The following TMPRSS4 variants were observed in gnomAD, a reference collection of about 807,000 sequenced individuals.
The protein encoded by TMPRSS4 is transmembrane protease serine 4.
A neutral mutation model predicts 56.4 loss-of-function variants in TMPRSS4; 45 were observed. That is an observed-to-expected ratio of 0.80 (90% confidence interval 0.63 to 1.02). The LOEUF is 1.02. TMPRSS4 is among the 50% of genes least tolerant of loss of function. TMPRSS4 has a pLI of 0.00. For synonymous variants in TMPRSS4, 205 were observed against 211.0 expected, an observed-to-expected ratio of 0.97 and a Z score of 0.25; for missense variants, 546 against 556.7, an observed-to-expected ratio of 0.98 and a Z score of 0.19.
intron 2 of TMPRSS4, among the ~76,000 whole-genome samples, chr11:118,098,062 A>G (rs567641998): frequency 1.3e-5 from 2 of 152,264 alleles, no homozygotes; most frequent in East Asian, 1.9e-4. Context: ...GAGCCACCGC[A>G]CTGGACCAGA....
At chr11:118,111,185 G>T (rs1391211747) in intron 7 of TMPRSS4, among the ~76,000 whole-genome samples, 1 of 152,186 alleles carries the variant, frequency 6.6e-6, no homozygotes, top group East Asian at 1.9e-4. Context: ...GGAGAGGGGG[G>T]ACCTGAGGGC....
intron 7 of TMPRSS4, among the ~76,000 whole-genome samples, chr11:118,109,380 A>G (rs1404849711): frequency 2.0e-5 from 3 of 152,234 alleles, no homozygotes; most frequent in African/African-American, 7.2e-5. Context: ...ATAATTGGCC[A>G]CTATCCTTGG....
intron 1 of TMPRSS4, 145 bp from the exon 2 acceptor site, chr11:118,094,671 T>C: frequency 1.5e-6 from 1 of 689,654 alleles, no homozygotes; most frequent in Non-Finnish European, 2.6e-6. Flanking sequence ...TGTTTCCTGT[T>C]GAACCAGGTA....
Position 118,118,763 on chromosome 11 carries a change from C to G in TMPRSS4, c.*850C>G. Reference sequence around the variant, plus strand: ...TGACTTGGGAAAGAGATGAGTTAGGCAGTCAAGGGTGACATTCAATCAGGG... The same window carrying G: ...TGACTTGGGAAAGAGATGAGTTAGGGAGTCAAGGGTGACATTCAATCAGGG... On this transcript the variant is annotated 3_prime_UTR_variant, in exon 13 of 13. Transcript: ENST00000437212. The G allele has an allele frequency of 2.0e-6, 2 of 985,416 alleles. No individual in the cohort carries two copies. The highest frequency in any genetic ancestry group is 2.4e-6 in the Non-Finnish European group (2 of 829,930). The allele number at this position is 985,416 out of a possible 1,614,324, so 61.0% of individuals were successfully genotyped here. A position where few individuals can be genotyped will look rare whatever the true frequency, so the allele number is the denominator to read the frequency against.
rs1019932481 is a variant in TMPRSS4 at position 118,111,826 on chromosome 11, G to A, written c.669G>A (p.Gln223=). 1.2e-5 allele frequency: 19 copies of A among 1,607,180 alleles called. No homozygotes were observed. The African/African-American group carries it at 1.9e-4, about 16-fold the overall frequency. Residue 223 remains glutamine (Q), a synonymous_variant, in exon 8 of 13, where the codon CAG becomes CAA. Coordinates refer to ENST00000437212, the MANE Select transcript of TMPRSS4 (RefSeq NM_019894.4). ...CTTGGCCTTGGCAGGTCAGCATCCA[G>A]TACGACAAACAGCACGTCTGTGGAG... ...VDSWPWQVSI[Q]YDKQHVCGGS...
At position 118,113,377 on chromosome 11, in the gene TMPRSS4, G is replaced by C; in HGVS notation, c.852G>C (p.Met284Ile). Residue 284 changes from methionine to isoleucine, a missense_variant, in exon 9 of 13, where the codon ATG becomes ATC. Met to Ile is a conservative substitution (Grantham distance 10). Transcript: ENST00000437212. ...TCATCATCATTGAATTCAACCCCAT[G>C]TACCCCAAAGACAATGACATCGCCC... ...AKIIIIEFNP[M>I]YPKDNDIALM... 6.2e-7 allele frequency: 1 copy of C among 1,614,100 alleles called. No homozygotes were observed. The highest frequency in any genetic ancestry group is 2.2e-5 in the East Asian group (1 of 44,868).
At chr11:118,123,689 A>G (rs1187777889), downstream of TMPRSS4, among the ~76,000 whole-genome samples, 2 of 152,074 alleles carry the variant, frequency 1.3e-5, no homozygotes, top group African/African-American at 4.8e-5. Context: ...CGCCTGGCTA[A>G]TTTTTTGTGT....
At chr11:118,084,403 A>G (rs1446179632) in intron 1 of TMPRSS4, among the ~76,000 whole-genome samples, 1 of 152,246 alleles carries the variant, frequency 6.6e-6, no homozygotes, top group East Asian at 1.9e-4. Flanking sequence ...ATGCAACTGC[A>G]AAGTCAGAGA....
At chr11:118,098,874 G>T (rs1159642188) in intron 2 of TMPRSS4, 111 bp from the exon 3 acceptor site, 2 of 782,022 alleles carry the variant, frequency 2.6e-6, no homozygotes, top group African/African-American at 1.7e-5. Flanking sequence ...CCAAAACTGT[G>T]CTCAAGGCAT....
intron 7 of TMPRSS4, 152 bp downstream of exon 7, chr11:118,109,048 T>G: frequency 3.9e-6 from 3 of 762,144 alleles, no homozygotes; most frequent in Non-Finnish European, 6.4e-6. Flanking sequence ...CCCCCTCGAG[T>G]TGTTGGTGGC....
At chr11:118,103,578 T>G (rs1292124646) in intron 4 of TMPRSS4, among the ~76,000 whole-genome samples, 1 of 152,132 alleles carries the variant, frequency 6.6e-6, no homozygotes, top group Admixed American at 6.5e-5. Context: ...GACGGGGTTT[T>G]GCCACATTGG....
At position 118,080,355 on chromosome 11, in the gene TMPRSS4, A is replaced by T. The variant is rs1205600202; in HGVS notation, c.3+3050A>T. On this transcript the variant is annotated intron_variant, in intron 1 of 12. Transcript: ENST00000437212. ...AGCAAGAAAGAGTGGTAGTATAGGG[A>T]CAACAGGCTCTCGCTGTGGCTGGAG... Among the ~76,000 whole-genome samples, 4 of 152,120 alleles carry T rather than the reference A, an allele frequency of 2.6e-5. No homozygotes were observed. In the East Asian group the frequency reaches 5.8e-4, roughly 22 times the overall value.
At chr11:118,112,981 G>T (rs1947355070) in intron 8 of TMPRSS4, among the ~76,000 whole-genome samples, 1 of 152,078 alleles carries the variant, frequency 6.6e-6, no homozygotes, top group East Asian at 1.9e-4. Flanking sequence ...GGAGGAGAGA[G>T]CGCCAGGACC....
chr11:118,110,964 TAGG>T (rs1947247240), intron 7 of TMPRSS4, among the ~76,000 whole-genome samples: 1 of 152,212 alleles, frequency 6.6e-6, no homozygotes, highest in African/African-American at 2.4e-5. Flanking sequence ...AGGAGGCTGC[TAGG>T]AGGAGTGGAA....
rs1227970104 is a variant in TMPRSS4 at position 118,120,501 on chromosome 11, T to A, written c.*2588T>A. 1 of 152,204 alleles carries A rather than the reference T, an allele frequency of 6.6e-6. No individual in the cohort carries two copies. The allele number at this position is 152,204 out of a possible 1,614,324, so 9.4% of individuals were successfully genotyped here. ...TGCTATTTTCTGTTAAAAATGGATA[T>A]CTTAATAATCAAGCAAAAATAACAG... On this transcript the variant is annotated 3_prime_UTR_variant, in exon 13 of 13. Transcript: ENST00000437212.
At chr11:118,094,601 C>T (rs1946183553) in intron 1 of TMPRSS4, among the ~76,000 whole-genome samples, 1 of 152,206 alleles carries the variant, frequency 6.6e-6, no homozygotes, top group Non-Finnish European at 1.5e-5. Flanking sequence ...CCAGTTGCTA[C>T]TAGTTAAGTA....
downstream of TMPRSS4, among the ~76,000 whole-genome samples, chr11:118,122,279 A>C (rs1398166885): frequency 6.6e-6 from 1 of 152,244 alleles, no homozygotes; most frequent in African/African-American, 2.4e-5. Flanking sequence ...GTTATTTGTA[A>C]CAGACATACA....
At chr11:118,078,532 C>G (rs1944872120) in intron 1 of TMPRSS4, among the ~76,000 whole-genome samples, 1 of 152,216 alleles carries the variant, frequency 6.6e-6, no homozygotes, top group African/African-American at 2.4e-5. Context: ...GAGCCAGGAT[C>G]AAAGCACAAG....
At chr11:118,116,750 G>A (rs1715463) in intron 11 of TMPRSS4, among the ~76,000 whole-genome samples, 103,639 of 141,990 alleles carry the variant, frequency 0.73, 37,660 homozygotes, top group South Asian at 0.85. Flanking sequence ...GTCTCACTCT[G>A]TTGCCCAGGC....
Sources: gnomAD v4.1 joint callset for allele counts (sites outside exome capture counted in the v4.1 genomes callset) on GRCh38, gnomAD v4.1.1 for gene constraint, MANE v1.5 for transcripts, NCBI Gene and HGNC (gene_info 2026-07-23, HGNC 2026-07-21) for gene names.